The following THUMPD3 variants were observed in gnomAD, a reference collection of about 807,000 sequenced individuals.
THUMPD3 encodes the protein THUMP domain 3 tRNA guanosine methyltransferase, also known as tRNA (guanine(6)-N(2))-methyltransferase THUMP3.
A neutral mutation model predicts 54.5 loss-of-function variants in THUMPD3; 44 were observed. The ratio of observed to expected loss-of-function variants is 0.81; its 90% confidence interval spans 0.63 to 1.04. The LOEUF is 1.04. Ranked by LOEUF, THUMPD3 falls within the 50% of genes least tolerant of loss-of-function variation. The pLI is 0.00. For missense variants in THUMPD3, 604 were observed against 601.3 expected (o/e 1.00, Z -0.05); for synonymous variants, 196 against 201.4 (o/e 0.97, Z 0.23).
Position 9,377,823 on chromosome 3 carries a change from T to C in THUMPD3, c.943T>C (p.Cys315Arg), listed in dbSNP as rs765175458. The C allele has an allele frequency of 8.1e-6, 13 of 1,613,484 alleles. No homozygotes were observed. The highest frequency in any genetic ancestry group is 1.3e-5 in the African/African-American group (1 of 74,930). The change falls in exon 6 of 10, where the codon TGT becomes CGT. Residue 315 changes from cysteine to arginine, a missense_variant. Coordinates refer to ENST00000452837, the MANE Select transcript of THUMPD3 (RefSeq NM_001114092.2). ...STLAYGMLRL[C>R]DPLPYDIIVD... ...AGGCTGTTTTCTTTTCTCTAGGCTCTGTGATCCTCTACCTTATGATATAAT... is the reference window on the plus strand; with the variant it reads ...AGGCTGTTTTCTTTTCTCTAGGCTCCGTGATCCTCTACCTTATGATATAAT...
Position 9,384,727 on chromosome 3 carries a change from T to C in THUMPD3, c.*39T>C. On this transcript the variant is annotated 3_prime_UTR_variant, in exon 10 of 10. Coordinates refer to ENST00000452837, the MANE Select transcript of THUMPD3 (RefSeq NM_001114092.2). The stretch of plus-strand genomic sequence containing the variant: ...TACTTGTACTTCCCACCACTGGAAA[T>C]GTTAGCATAAAAGAACTTGGAGAGG... 1 of 1,609,260 alleles carries C rather than the reference T, an allele frequency of 6.2e-7. No homozygotes were observed. The highest frequency in any genetic ancestry group is 1.7e-5 in the Admixed American group (1 of 59,648).
chr3:9,369,793 G>A (rs1311116065), intron 3 of THUMPD3, among the ~76,000 whole-genome samples: 1 of 152,128 alleles, frequency 6.6e-6, no homozygotes, highest in African/African-American at 2.4e-5. Context: ...TTATCCCATT[G>A]ATACTTATTG....
chr3:9,374,951 C>A (rs895965349), intron 5 of THUMPD3, among the ~76,000 whole-genome samples: 4 of 152,120 alleles, frequency 2.6e-5, no homozygotes, highest in African/African-American at 9.7e-5. Context: ...CTCTGCCTCC[C>A]GGGTTCAAGC....
Position 9,365,100 on chromosome 3 carries a change from T to C in THUMPD3, c.32T>C (p.Leu11Pro), listed in dbSNP as rs1559297591. The change falls in exon 2 of 10, where the codon CTC (leucine) becomes CCC (proline). Residue 11 changes from leucine to proline, a missense_variant. Leu to Pro is a moderately conservative substitution (Grantham distance 98). Coordinates refer to ENST00000452837, the MANE Select transcript of THUMPD3 (RefSeq NM_001114092.2). The part of the protein sequence containing the change: MCDIEEATNQ[L>P]LDVNLHENQK... ...GACATTGAAGAAGCCACTAACCAACTCCTAGATGTGAACCTTCATGAGAAC... is the reference window on the plus strand; with the variant it reads ...GACATTGAAGAAGCCACTAACCAACCCCTAGATGTGAACCTTCATGAGAAC... 1 of 1,614,190 alleles carries C rather than the reference T, an allele frequency of 6.2e-7. No homozygotes were observed. The highest frequency in any genetic ancestry group is 8.5e-7 in the Non-Finnish European group (1 of 1,180,038).
Position 9,386,248 on chromosome 3 carries a change from CTTTG to C in THUMPD3, c.*1564_*1567del, listed in dbSNP as rs1296214465. 1 of 152,100 alleles carries C rather than the reference CTTTG, an allele frequency of 6.6e-6. No homozygotes were observed. The highest frequency in any genetic ancestry group is 1.5e-5 in the Non-Finnish European group (1 of 68,028). 9.4% of individuals were successfully genotyped at this position (152,100 alleles called of 1,614,324 possible). A position where few individuals can be genotyped will look rare whatever the true frequency, so the allele number is the denominator to read the frequency against. On this transcript the variant is annotated 3_prime_UTR_variant, in exon 10 of 10. Transcript: ENST00000452837. Reference sequence around the variant, plus strand: ...TTACCACTATCAGAATTCACAGCTGCTTTGTTTATGGGCCGAACACAAAACTTTT... The same window carrying C: ...TTACCACTATCAGAATTCACAGCTGCTTTATGGGCCGAACACAAAACTTTT...
intron 6 of THUMPD3, among the ~76,000 whole-genome samples, chr3:9,378,628 G>A (rs1175422794): frequency 1.3e-5 from 2 of 152,218 alleles, no homozygotes; most frequent in East Asian, 1.9e-4. Flanking sequence ...ATATGATTGG[G>A]TAGAAACTGG....
chr3:9,373,520 C>G (rs1012067474), intron 4 of THUMPD3, among the ~76,000 whole-genome samples: 9 of 152,062 alleles, frequency 5.9e-5, no homozygotes, highest in Non-Finnish European at 1.3e-4. Flanking sequence ...GAGGAGCTGT[C>G]TTTGTGCCTC....
intron 2 of THUMPD3, among the ~76,000 whole-genome samples, chr3:9,365,881 C>T (rs528179572): frequency 6.6e-6 from 1 of 152,274 alleles, no homozygotes; most frequent in South Asian, 2.1e-4. Flanking sequence ...TGAGCCACTG[C>T]GCTCGGCCTG....
chr3:9,371,517 T>C lies in THUMPD3; in HGVS notation c.788T>C (p.Met263Thr). The C allele has an allele frequency of 6.2e-7, 1 of 1,612,880 alleles. No individual in the cohort carries two copies. The highest frequency in any genetic ancestry group is 1.7e-5 in the Admixed American group (1 of 59,926). Residue 263 changes from methionine to threonine, a missense_variant, in exon 4 of 10, where the codon ATG becomes ACG. Physicochemically the swap from Met to Thr is moderately conservative, Grantham distance 81 (BLOSUM62 -1). Transcript: ENST00000452837. ...GATTATTTTAAGTGGAAGGCCGACA[T>C]GACCAACTTTGATGTGGAGGTAGGT... is the stretch of plus-strand genomic sequence containing the variant. The part of the protein sequence containing the change: ...VQDYFKWKAD[M>T]TNFDVEVLLN...
chr3:9,365,731 A>G (rs75733342), intron 2 of THUMPD3, among the ~76,000 whole-genome samples: 1 of 152,004 alleles, frequency 6.6e-6, no homozygotes, highest in Admixed American at 6.6e-5. Context: ...AGCTGGGACT[A>G]CAGGCGCCCG....
intron 2 of THUMPD3, 49 bp downstream of exon 2, chr3:9,365,369 T>G: frequency 6.3e-7 from 1 of 1,594,556 alleles, no homozygotes; most frequent in African/African-American, 1.3e-5. Flanking sequence ...GATCATTTTA[T>G]GGTTACTTTT....
intron 1 of THUMPD3, among the ~76,000 whole-genome samples, chr3:9,364,673 T>G (rs1024589943): frequency 2.6e-5 from 4 of 152,256 alleles, no homozygotes; most frequent in African/African-American, 9.6e-5. Context: ...ACTAACCATG[T>G]TCTTAACATC....
chr3:9,382,657 A>C (rs1201365021), intron 7 of THUMPD3, among the ~76,000 whole-genome samples: 1 of 152,182 alleles, frequency 6.6e-6, no homozygotes, highest in Non-Finnish European at 1.5e-5. Flanking sequence ...TCGGTTATGT[A>C]ATTTACTGCT....
intron 6 of THUMPD3, among the ~76,000 whole-genome samples, chr3:9,378,131 T>G (rs1199767369): frequency 6.6e-6 from 1 of 152,240 alleles, no homozygotes; most frequent in Non-Finnish European, 1.5e-5. Flanking sequence ...CAGAGGAAGC[T>G]GAGAATTACA....
chr3:9,383,584 G>A (rs1293050198), intron 8 of THUMPD3, among the ~76,000 whole-genome samples: 1 of 151,556 alleles, frequency 6.6e-6, no homozygotes, highest in Non-Finnish European at 1.5e-5. Context: ...CAAAAAGGTG[G>A]TAGAAGACTT....
At chr3:9,375,739 A>AGCCT (rs1263477336) in intron 5 of THUMPD3, among the ~76,000 whole-genome samples, 1 of 152,228 alleles carries the variant, frequency 6.6e-6, no homozygotes, top group African/African-American at 2.4e-5. Flanking sequence ...TAGATGGTGT[A>AGCCT]GCCTACTACA....
At chr3:9,369,309 CAAAAAAAAAAAAAA>C in intron 3 of THUMPD3, among the ~76,000 whole-genome samples, 1 of 60,830 alleles carries the variant, frequency 1.6e-5, no homozygotes, top group East Asian at 5.8e-4. Context: ...GACTCCGTCT[CAAAAAAAAAAAAAA>C]AAAAAAAAAA....
At chr3:9,378,422 T>C (rs1575075095) in intron 6 of THUMPD3, among the ~76,000 whole-genome samples, 1 of 152,276 alleles carries the variant, frequency 6.6e-6, no homozygotes, top group Admixed American at 6.5e-5. Context: ...AAGCAAGAAA[T>C]GGAAAGGCAT....
intron 1 of THUMPD3, chr3:9,363,515 G>A (rs908420992): frequency 6.6e-6 from 1 of 152,122 alleles, no homozygotes; most frequent in African/African-American, 2.4e-5. Flanking sequence ...CACAGCACAA[G>A]GACATTATAG....
Sources: allele counts gnomAD v4.1 joint callset (sites outside exome capture counted in the v4.1 genomes callset), GRCh38; gene constraint gnomAD v4.1.1; transcripts MANE v1.5; gene names NCBI Gene and HGNC (gene_info 2026-07-23, HGNC 2026-07-21).